CPPED1: variants seen among roughly 807,000 people sequenced by gnomAD.
CPPED1 encodes the protein serine/threonine-protein phosphatase CPPED1.
CPPED1 carries 28 observed loss-of-function variants against 28.0 expected under a neutral mutation model. The ratio of observed to expected loss-of-function variants is 1.00; its 90% CI spans 0.74 to 1.37. CPPED1 has a LOEUF of 1.37. Among genes scored for constraint, CPPED1 ranks in the 40% most tolerant of loss-of-function variants. CPPED1 has a pLI of 0.00. For missense variants in CPPED1, 504 were observed against 416.5 expected (o/e 1.21, Z -1.83); for synonymous variants, 198 against 180.2 (o/e 1.10, Z -0.79).
chr16:12,682,497 A>G lies in CPPED1; in HGVS notation c.716-17382T>C, dbSNP rs911342654. ...AAAAGCAGTGGCAGCCTGGGGTGGG[A>G]GCTAGGGGTTGGGAGACTCAGGCGT... On this transcript the variant is annotated intron_variant, in intron 3 of 3. Coordinates refer to ENST00000381774, the MANE Select transcript of CPPED1 (RefSeq NM_018340.3). This position sits in a 1 kb window ranked among gnomAD's most constrained non-coding sequence, Gnocchi z 6.1. 6.6e-6 allele frequency among the ~76,000 whole-genome samples: 1 copy of G among 152,016 alleles called. No individual in the cohort carries two copies. Among genetic ancestry groups the G allele is most frequent in the Non-Finnish European group, 1.5e-5 (1 of 68,006 alleles).
chr16:12,783,866 C>G (rs1462541213), intron 1 of CPPED1, among the ~76,000 whole-genome samples: 1 of 152,164 alleles, frequency 6.6e-6, no homozygotes. Flanking sequence ...TGCATGAAAC[C>G]CTGGTGTGTG....
intron 2 of CPPED1, among the ~76,000 whole-genome samples, chr16:12,723,705 G>C (rs182192730): frequency 2.0e-5 from 3 of 152,194 alleles, no homozygotes; most frequent in Non-Finnish European, 4.4e-5. Context: ...AGGGAGGGAC[G>C]ACAGTGAGGT....
At chr16:12,738,053 C>T (rs897574888) in intron 2 of CPPED1, among the ~76,000 whole-genome samples, 2 of 152,236 alleles carry the variant, frequency 1.3e-5, no homozygotes, top group African/African-American at 2.4e-5. Context: ...TTGGCAGATG[C>T]GTCGTGGCTT....
At chr16:12,755,025 A>G (rs2080356199) in intron 2 of CPPED1, among the ~76,000 whole-genome samples, 1 of 152,126 alleles carries the variant, frequency 6.6e-6, no homozygotes, top group South Asian at 2.1e-4. Flanking sequence ...ATGTGTAGCT[A>G]GCAGAAAAAG....
At chr16:12,677,920 T>G (rs1003141386) in intron 3 of CPPED1, among the ~76,000 whole-genome samples, 2 of 152,238 alleles carry the variant, frequency 1.3e-5, no homozygotes, top group Non-Finnish European at 2.9e-5. Flanking sequence ...TCACGACTAC[T>G]CAACTCCGCC....
At chr16:12,753,243 G>C (rs915933796) in intron 2 of CPPED1, 1 of 152,232 alleles carries the variant, frequency 6.6e-6, no homozygotes, top group African/African-American at 2.4e-5. Flanking sequence ...CTGTCCTGCA[G>C]TGTGATCCTG....
intron 2 of CPPED1, among the ~76,000 whole-genome samples, chr16:12,737,196 AT>A (rs1407486314): frequency 6.6e-6 from 1 of 151,972 alleles, no homozygotes; most frequent in Non-Finnish European, 1.5e-5. Context: ...TCTCAAAAAA[AT>A]AATAATAATA....
intron 3 of CPPED1, among the ~76,000 whole-genome samples, chr16:12,702,761 G>A (rs2080027093): frequency 6.6e-6 from 1 of 151,610 alleles, no homozygotes; most frequent in Non-Finnish European, 1.5e-5. Context: ...ACTTTGGGAG[G>A]CCGAGGTGGG....
At chr16:12,766,527 G>A (rs1304655974) in intron 2 of CPPED1, among the ~76,000 whole-genome samples, 1 of 152,092 alleles carries the variant, frequency 6.6e-6, no homozygotes, top group Non-Finnish European at 1.5e-5. Context: ...ACTCCCATAA[G>A]TCAATTATCT....
chr16:12,684,146 G>C (rs997183417), intron 3 of CPPED1, among the ~76,000 whole-genome samples: 4 of 152,200 alleles, frequency 2.6e-5, no homozygotes, highest in Non-Finnish European at 4.4e-5. Context: ...CTAGTGCCCT[G>C]AACAAAACCT....
chr16:12,696,286 G>T (rs899833964), intron 3 of CPPED1, among the ~76,000 whole-genome samples: 1 of 152,114 alleles, frequency 6.6e-6, no homozygotes, highest in Non-Finnish European at 1.5e-5. Flanking sequence ...AAGGACGCCA[G>T]CACCCCAGGG....
chr16:12,678,627 G>T (rs928743251), intron 3 of CPPED1, among the ~76,000 whole-genome samples: 1 of 151,998 alleles, frequency 6.6e-6, no homozygotes, highest in African/African-American at 2.4e-5. Context: ...CTATTCCTAG[G>T]TATTTCATGT....
intron 2 of CPPED1, among the ~76,000 whole-genome samples, chr16:12,747,391 CACT>C (rs1567294293): frequency 6.6e-6 from 1 of 151,460 alleles, no homozygotes; most frequent in Non-Finnish European, 1.5e-5. Flanking sequence ...ATGATTGCAC[CACT>C]GCATTCCAGC....
chr16:12,707,721 G>A (rs1415356149), intron 2 of CPPED1, among the ~76,000 whole-genome samples: 2 of 152,158 alleles, frequency 1.3e-5, no homozygotes, highest in East Asian at 1.9e-4. Flanking sequence ...GAAGAGCTGG[G>A]AATTACACAC....
chr16:12,745,396 A>G (rs1015692896), intron 2 of CPPED1, among the ~76,000 whole-genome samples: 1 of 152,202 alleles, frequency 6.6e-6, no homozygotes, highest in Non-Finnish European at 1.5e-5. Flanking sequence ...CACTGTTCAC[A>G]ATAGAAAAGA....
At chr16:12,755,754 A>T (rs900014378) in intron 2 of CPPED1, among the ~76,000 whole-genome samples, 1 of 152,228 alleles carries the variant, frequency 6.6e-6, no homozygotes, top group Non-Finnish European at 1.5e-5. Flanking sequence ...TGTTTGGGAC[A>T]GCGTCATGTG....
At chr16:12,754,368 G>A (rs191184352) in intron 2 of CPPED1, among the ~76,000 whole-genome samples, 1 of 152,278 alleles carries the variant, frequency 6.6e-6, no homozygotes, top group East Asian at 1.9e-4. Flanking sequence ...ATCTGCTGTG[G>A]TGAACACACA....
Position 12,713,384 on chromosome 16 carries a change from G to T in CPPED1, c.290-8335C>A, listed in dbSNP as rs1596456645. On this transcript the variant is annotated intron_variant, in intron 2 of 3. Coordinates refer to ENST00000381774, the MANE Select transcript of CPPED1 (RefSeq NM_018340.3). Reference sequence around the variant, plus strand: ...TTCTTTTTTATTTTTTATTTTTTTTGAGATGGAGTCTCGCTCTGTCACGCA... The same window carrying T: ...TTCTTTTTTATTTTTTATTTTTTTTTAGATGGAGTCTCGCTCTGTCACGCA... Among the ~76,000 whole-genome samples the T allele has an allele frequency of 3.3e-5, 5 of 151,548 alleles. No individual in the cohort carries two copies. The South Asian group carries it at 8.3e-4, about 25-fold the overall frequency.
chr16:12,787,073 T>G (rs2080567934), intron 1 of CPPED1, among the ~76,000 whole-genome samples: 2 of 152,188 alleles, frequency 1.3e-5, no homozygotes, highest in Admixed American at 1.3e-4. Flanking sequence ...CGTTTTCCAG[T>G]GCACAACAGA....
Sources: gnomAD v4.1 joint callset for allele counts (sites outside exome capture counted in the v4.1 genomes callset) on GRCh38, gnomAD v4.1.1 for gene constraint, Gnocchi (gnomAD v3.1) non-coding constraint, MANE v1.5 for transcripts, NCBI Gene and HGNC (gene_info 2026-07-23, HGNC 2026-07-21) for gene names.